The following CDH1 variants were observed in gnomAD, a reference collection of about 807,000 sequenced individuals.
The protein encoded by CDH1 is cadherin 1, also known as cadherin-1.
In CDH1, 35 loss-of-function variants were observed where a neutral mutation model predicts 84.5. That is an observed-to-expected ratio of 0.41 (90% CI 0.32 to 0.55). CDH1 has a LOEUF of 0.55. Among genes scored for constraint, CDH1 ranks in the 20% least tolerant of loss-of-function variants. The pLI is 0.19. For missense variants in CDH1, 994 were observed against 1,126.6 expected, an observed-to-expected ratio of 0.88 and a Z score of 1.68; for synonymous variants, 417 against 439.0, an observed-to-expected ratio of 0.95 and a Z score of 0.63.
At chr16:68,825,355 C>G (rs1961292191) in intron 13 of CDH1, among the ~76,000 whole-genome samples, 1 of 152,070 alleles carries the variant, frequency 6.6e-6, no homozygotes, top group Admixed American at 6.6e-5. Context: ...TGAGGAGACT[C>G]CTAGAAGAGC....
intron 3 of CDH1, among the ~76,000 whole-genome samples, chr16:68,804,907 T>C (rs1960615599): frequency 7.3e-6 from 1 of 136,854 alleles, no homozygotes; most frequent in African/African-American, 2.9e-5. Context: ...CACAGCTCAC[T>C]GCAGCCTTGA....
In CDH1 at chr16:68,819,406, A is replaced by G. The variant is rs1060504168; in HGVS notation, c.1692A>G (p.Leu564=). Reference sequence around the variant, plus strand: ...TGAAGAACAGCACGTACACAGCCCTAATCATAGCTACAGACAATGGTAAGG... The same window carrying G: ...TGAAGAACAGCACGTACACAGCCCTGATCATAGCTACAGACAATGGTAAGG... ...EHVKNSTYTA[L]IIATDNGSPV... Residue 564 remains leucine, a synonymous_variant, in exon 11 of 16, where the codon CTA becomes CTG. Coordinates refer to ENST00000261769, the MANE Select transcript of CDH1 (RefSeq NM_004360.5). 1 of 1,613,626 alleles carries G rather than the reference A, an allele frequency of 6.2e-7. No homozygotes were observed. The highest frequency in any genetic ancestry group is 1.1e-5 in the South Asian group (1 of 91,050).
At chr16:68,823,750 C>T (rs1596966317) in intron 13 of CDH1, 124 bp downstream of exon 13, 4 of 684,652 alleles carry the variant, frequency 5.8e-6, no homozygotes, top group African/African-American at 3.6e-5. Context: ...GAAAGAGACT[C>T]CCAAGTTATG....
Position 68,834,975 on chromosome 16 carries a change from A to G in CDH1, c.*1476A>G, listed in dbSNP as rs901783604. 1.6e-4 allele frequency: 38 copies of G among 232,286 alleles called. No homozygotes were observed. The highest frequency in any genetic ancestry group is 8.2e-4 in the African/African-American group (37 of 45,376). The allele number at this position is 232,286 out of a possible 1,614,324, so 14.4% of individuals were successfully genotyped here. A position where few individuals can be genotyped will look rare whatever the true frequency, so the allele number is the denominator to read the frequency against. On this transcript the variant is annotated 3_prime_UTR_variant, in exon 16 of 16. Coordinates refer to ENST00000261769, the MANE Select transcript of CDH1 (RefSeq NM_004360.5). ...TTCTGGAAGGAATGGAGGAGTCTCA[A>G]CATGTGTTTCTGACACAAGATCCGT... is the stretch of plus-strand genomic sequence containing the variant.
intron 2 of CDH1, among the ~76,000 whole-genome samples, chr16:68,755,760 A>ATTTT (rs34523825): frequency 8.2e-6 from 1 of 122,464 alleles, no homozygotes; most frequent in African/African-American, 3.0e-5. Context: ...AGTTTTCTAA[A>ATTTT]TTTTTTTTTT....
chr16:68,801,874 A>ACCGCCCC lies in CDH1; in HGVS notation c.376_382dup (p.His128ProfsTer42), dbSNP rs1567501500. 6.2e-7 allele frequency: 1 copy of ACCGCCCC among 1,613,830 alleles called. No individual in the cohort carries two copies. The highest frequency in any genetic ancestry group is 8.5e-7 in the Non-Finnish European group (1 of 1,179,854). On this transcript the variant is annotated frameshift_variant, in exon 3 of 16. Coordinates refer to ENST00000261769, the MANE Select transcript of CDH1 (RefSeq NM_004360.5). LOFTEE classifies it high-confidence loss of function. ...ACGCTGAATACAGTGGGGCACCACC[A>ACCGCCCC]CCGCCCCCCGCCCCATCAGGTATGT...
intron 2 of CDH1, among the ~76,000 whole-genome samples, chr16:68,782,896 T>C (rs1312958248): frequency 6.6e-6 from 1 of 152,116 alleles, no homozygotes; most frequent in Non-Finnish European, 1.5e-5. Flanking sequence ...GCACTTATCA[T>C]TGAGGTCATC....
intron 2 of CDH1, among the ~76,000 whole-genome samples, chr16:68,748,846 GT>G (rs1962816541): frequency 6.6e-6 from 1 of 152,110 alleles, no homozygotes; most frequent in Admixed American, 6.5e-5. Flanking sequence ...TTTTGTTTTT[GT>G]TTTTGTTTTG....
intron 2 of CDH1, among the ~76,000 whole-genome samples, chr16:68,753,433 G>C (rs888224824): frequency 2.0e-5 from 3 of 151,358 alleles, no homozygotes; most frequent in African/African-American, 7.3e-5. Context: ...TGCAACCTCT[G>C]CCTCCCAGGT....
rs576466681 is a variant in CDH1, at chr16:68,806,106, C to T, written c.388-2318C>T. 1.2e-4 allele frequency among the ~76,000 whole-genome samples: 18 copies of T among 151,582 alleles called. No homozygotes were observed. In the East Asian group the frequency reaches 3.5e-3, roughly 29 times the overall value. Reference sequence around the variant, plus strand: ...TGAATTACAGGCACATGCCACCATGCCTGGCTAATTTTTGTATATTTATTT... The same window carrying T: ...TGAATTACAGGCACATGCCACCATGTCTGGCTAATTTTTGTATATTTATTT... On this transcript the variant is annotated intron_variant, in intron 3 of 15. Coordinates refer to ENST00000261769, the MANE Select transcript of CDH1 (RefSeq NM_004360.5).
In CDH1 at chr16:68,835,422, T is replaced by C. The variant is rs1365716122; in HGVS notation, c.*1923T>C. The C allele has an allele frequency of 9.2e-6, 2 of 218,262 alleles. No individual in the cohort carries two copies. Among genetic ancestry groups the C allele is most frequent in the Non-Finnish European group, 1.8e-5 (2 of 108,376 alleles). 13.5% of individuals were successfully genotyped at this position (218,262 alleles called of 1,614,324 possible). On this transcript the variant is annotated 3_prime_UTR_variant, in exon 16 of 16. Coordinates refer to ENST00000261769, the MANE Select transcript of CDH1 (RefSeq NM_004360.5). ...CACTGTAGTTTTGAGTGTATACATG[T>C]GTGGGTGCTGATAATTGTGTATTTT...
intron 3 of CDH1, among the ~76,000 whole-genome samples, chr16:68,806,122 A>ATGTTTATT (rs377407300): frequency 0.019 from 2,690 of 144,520 alleles, 93 homozygotes; most frequent in African/African-American, 0.063. Context: ...TAATTTTTGT[A>ATGTTTATT]TATTTATTTA....
intron 6 of CDH1, among the ~76,000 whole-genome samples, chr16:68,811,366 AGCCTGG>A (rs1042276287): frequency 2.1e-5 from 3 of 145,424 alleles, no homozygotes; most frequent in African/African-American, 7.8e-5. Context: ...ATTGCATTCC[AGCCTGG>A]GCAACAGGAG....
chr16:68,797,751 G>C (rs946552175), intron 2 of CDH1, among the ~76,000 whole-genome samples: 2 of 152,184 alleles, frequency 1.3e-5, no homozygotes, highest in African/African-American at 4.8e-5. Flanking sequence ...AGTTGAGGCT[G>C]CAGTTTTTGA....
chr16:68,783,882 G>A (rs1442193358), intron 2 of CDH1, among the ~76,000 whole-genome samples: 1 of 151,816 alleles, frequency 6.6e-6, no homozygotes. Flanking sequence ...TCACCATGTT[G>A]GCCAGGCTGG....
At chr16:68,819,637 A>C (rs902149081) in intron 11 of CDH1, among the ~76,000 whole-genome samples, 1 of 152,130 alleles carries the variant, frequency 6.6e-6, no homozygotes, top group African/African-American at 2.4e-5. Flanking sequence ...GGTATCCGTC[A>C]CCCAAATAAC....
chr16:68,805,269 C>T (rs138087893), intron 3 of CDH1, among the ~76,000 whole-genome samples: 4,540 of 151,834 alleles, frequency 0.03, 153 homozygotes, highest in Admixed American at 0.094. Context: ...GTCCACCTGC[C>T]TTGGCCTCCC....
At position 68,822,122 on chromosome 16, in the gene CDH1, C is replaced by A. The variant is rs748413209; in HGVS notation, c.1833C>A (p.Val611=). The change falls in exon 12 of 16, where the codon GTC becomes GTA. Residue 611 remains valine, a synonymous_variant. Transcript: ENST00000261769. ...FFCERNPKPQ[V]INIIDADLPP... ...GTGAGAGGAATCCAAAGCCTCAGGT[C>A]ATAAACATCATTGATGCAGACCTTC... The A allele has an allele frequency of 6.2e-7, 1 of 1,614,152 alleles. No homozygotes were observed. Among genetic ancestry groups the A allele is most frequent in the South Asian group, 1.1e-5 (1 of 91,072 alleles).
intron 2 of CDH1, among the ~76,000 whole-genome samples, chr16:68,760,895 G>A (rs2152119191): frequency 6.6e-6 from 1 of 152,288 alleles, no homozygotes; most frequent in South Asian, 2.1e-4. Context: ...GAGACTCTCA[G>A]CCTCTGTTGT....
Sources: gnomAD v4.1 joint callset for allele counts (sites outside exome capture counted in the v4.1 genomes callset) on GRCh38, gnomAD v4.1.1 for gene constraint, MANE v1.5 for transcripts, NCBI Gene and HGNC (gene_info 2026-07-23, HGNC 2026-07-21) for gene names.